Variants in PFKFB3 observed in about 807,000 individuals in gnomAD.
PFKFB3 encodes the protein 6-phosphofructo-2-kinase/fructose-2,6-biphosphatase 3, also known as 6-phosphofructo-2-kinase/fructose-2,6-bisphosphatase 3.
In PFKFB3, 33 loss-of-function variants were observed where a neutral mutation model predicts 68.0. That is an observed-to-expected ratio of 0.49 (90% CI 0.37 to 0.65). The LOEUF (loss-of-function observed/expected upper bound fraction) is 0.65, where lower values mean the gene tolerates loss of function less well. Among genes scored for constraint, PFKFB3 ranks in the 30% least tolerant of loss-of-function variants. PFKFB3 has a pLI of 0.00. For missense variants in PFKFB3, 586 were observed against 712.2 expected, an observed-to-expected ratio of 0.82 and a Z score of 2.02; for synonymous variants, 315 against 288.2, an observed-to-expected ratio of 1.09 and a Z score of -0.94.
chr10:6,192,369 T>C (rs80254756), intron 1 of PFKFB3, among the ~76,000 whole-genome samples: 59 of 42,822 alleles, frequency 1.4e-3, no homozygotes, highest in African/African-American at 2.7e-3. Flanking sequence ...CTTTCTTCTT[T>C]TTTTTTTTTT....
intron 1 of PFKFB3, among the ~76,000 whole-genome samples, chr10:6,169,837 G>C (rs1842253179): frequency 6.6e-6 from 1 of 152,174 alleles, no homozygotes; most frequent in South Asian, 2.1e-4. Context: ...CCGGTTTTAT[G>C]TTTCCCTAAC....
At chr10:6,155,551 C>A (rs1272911115) in intron 1 of PFKFB3, among the ~76,000 whole-genome samples, 1 of 152,094 alleles carries the variant, frequency 6.6e-6, no homozygotes, top group Non-Finnish European at 1.5e-5. Flanking sequence ...TACACAATTA[C>A]CAACCAAATG....
At chr10:6,169,239 G>A (rs1213069078) in intron 1 of PFKFB3, among the ~76,000 whole-genome samples, 1 of 152,234 alleles carries the variant, frequency 6.6e-6, no homozygotes, top group Admixed American at 6.5e-5. Flanking sequence ...ACCGCGCCCA[G>A]TCTTCTTATA....
chr10:6,288,978 G>GT, the PFKFB3 span, among the ~76,000 whole-genome samples: 1 of 151,122 alleles, frequency 6.6e-6, no homozygotes, highest in Non-Finnish European at 1.5e-5. Context: ...TTTTTCATGT[G>GT]TTTTTTGGCT....
chr10:6,182,434 C>G (rs1303739339), intron 1 of PFKFB3, among the ~76,000 whole-genome samples: 1 of 152,182 alleles, frequency 6.6e-6, no homozygotes, highest in Non-Finnish European at 1.5e-5. Flanking sequence ...GGAAGCGGTC[C>G]TGGTGCTGCC....
Position 6,203,092 on chromosome 10 carries a change from G to A in PFKFB3, c.-169G>A. 4 of 1,436,358 alleles carry A rather than the reference G, an allele frequency of 2.8e-6. No homozygotes were observed. The highest frequency in any genetic ancestry group is 2.7e-6 in the Non-Finnish European group (3 of 1,099,562). 89.0% of individuals were successfully genotyped at this position (1,436,358 alleles called of 1,614,324 possible). A position where few individuals can be genotyped will look rare whatever the true frequency, so the allele number is the denominator to read the frequency against. ...ACACGTCGAGCCCCGCACAGGCGAG[G>A]GTCCGGAACTTAGCCCAAAGCACGT... On this transcript the variant is annotated 5_prime_UTR_variant, in exon 1 of 15. Transcript: ENST00000379775.
At chr10:6,186,782 G>A (rs1008220128) in intron 1 of PFKFB3, among the ~76,000 whole-genome samples, 4 of 152,184 alleles carry the variant, frequency 2.6e-5, no homozygotes, top group African/African-American at 4.8e-5. Context: ...ACAGGTGTGA[G>A]CCACTGCACC....
chr10:6,274,150 T>C, the PFKFB3 span, among the ~76,000 whole-genome samples: 73,889 of 151,564 alleles, frequency 0.49, 19,052 homozygotes, highest in African/African-American at 0.64. Context: ...CAGTGGGCTA[T>C]GATTGCAGCA....
At chr10:6,201,912 A>C (rs964514092), upstream of PFKFB3, among the ~76,000 whole-genome samples, 3 of 152,146 alleles carry the variant, frequency 2.0e-5, no homozygotes, top group African/African-American at 7.2e-5. This position sits in a 1 kb window ranked among gnomAD's most constrained non-coding sequence, Gnocchi z 4.1. Context: ...AGCTGGTGCA[A>C]ACTGCGAGGG....
the PFKFB3 span, among the ~76,000 whole-genome samples, chr10:6,288,572 A>T: frequency 6.6e-6 from 1 of 151,574 alleles, no homozygotes; most frequent in Admixed American, 6.6e-5. Flanking sequence ...CATGGTGTAT[A>T]TGTGCCACAT....
chr10:6,177,378 T>TTCTTTC (rs1223626500), intron 1 of PFKFB3, among the ~76,000 whole-genome samples: 1 of 110,360 alleles, frequency 9.1e-6, no homozygotes, highest in African/African-American at 2.9e-5. Context: ...CTTTCTTTCT[T>TTCTTTC]TCTTTCTTTC....
chr10:6,178,190 C>T (rs1475353105), intron 1 of PFKFB3, among the ~76,000 whole-genome samples: 2 of 152,154 alleles, frequency 1.3e-5, no homozygotes, highest in African/African-American at 4.8e-5. Context: ...TTTATCTGCC[C>T]AGCGTCTCTG....
intron 13 of PFKFB3, 93 bp from the exon 14 acceptor site, chr10:6,226,099 A>G: frequency 8.5e-7 from 1 of 1,175,482 alleles, no homozygotes; most frequent in African/African-American, 1.6e-5. Flanking sequence ...TTGCCTCTCT[A>G]AAATCCAGGA....
At chr10:6,177,397 T>TTTCTTTC (rs1842518876) in intron 1 of PFKFB3, among the ~76,000 whole-genome samples, 1 of 144,394 alleles carries the variant, frequency 6.9e-6, no homozygotes, top group Non-Finnish European at 1.5e-5. Context: ...TCTTTCTTTC[T>TTTCTTTC]TTCTTTCTTT....
intron 1 of PFKFB3, among the ~76,000 whole-genome samples, chr10:6,155,277 A>G (rs936798960): frequency 4.2e-5 from 6 of 142,014 alleles, no homozygotes; most frequent in Non-Finnish European, 9.0e-5. Flanking sequence ...ATCTCGGCTC[A>G]CTGCAAGCTC....
At chr10:6,217,622 C>T (rs988316105) in intron 6 of PFKFB3, among the ~76,000 whole-genome samples, 1 of 152,212 alleles carries the variant, frequency 6.6e-6, no homozygotes, top group East Asian at 1.9e-4. Context: ...TCAGCAGCCT[C>T]CTGAGTTTGG....
intron 1 of PFKFB3, among the ~76,000 whole-genome samples, chr10:6,172,300 C>T (rs550585411): frequency 2.0e-4 from 30 of 152,310 alleles, no homozygotes; most frequent in Non-Finnish European, 3.7e-4. Flanking sequence ...GGCGCACAGG[C>T]GGGCCTTTTG....
At chr10:6,198,240 C>T (rs1588457027), upstream of PFKFB3, among the ~76,000 whole-genome samples, 1 of 93,308 alleles carries the variant, frequency 1.1e-5, no homozygotes, top group African/African-American at 4.1e-5. Flanking sequence ...CATGAGACTC[C>T]GTCTCAAAAA....
chr10:6,315,248 G>A, the PFKFB3 span, among the ~76,000 whole-genome samples: 9 of 152,114 alleles, frequency 5.9e-5, no homozygotes, highest in Non-Finnish European at 8.8e-5. Flanking sequence ...GCTGCCCAGC[G>A]GTGAATGCCA....
Sources: allele counts gnomAD v4.1 joint callset (sites outside exome capture counted in the v4.1 genomes callset), GRCh38; gene constraint gnomAD v4.1.1; non-coding constraint Gnocchi (gnomAD v3.1); transcripts MANE v1.5; gene names NCBI Gene and HGNC (gene_info 2026-07-23, HGNC 2026-07-21).